The following ZYG11B variants were observed in gnomAD, a reference collection of about 807,000 sequenced individuals.
ZYG11B encodes protein zyg-11 homolog B.
In ZYG11B, 36 loss-of-function variants were observed where a neutral mutation model predicts 82.4. The ratio of observed to expected loss-of-function variants is 0.44; its 90% CI spans 0.33 to 0.58. ZYG11B has a LOEUF of 0.58. Among genes scored for constraint, ZYG11B ranks in the 20% least tolerant of loss-of-function variants. The pLI, the probability that ZYG11B is intolerant of heterozygous loss-of-function variation, is 0.02. For missense variants in ZYG11B, 552 were observed against 895.6 expected, an observed-to-expected ratio of 0.62 and a Z score of 4.90; for synonymous variants, 303 against 312.8, an observed-to-expected ratio of 0.97 and a Z score of 0.33.
At chr1:52,770,921 C>T in intron 2 of ZYG11B, 99 bp from the exon 3 acceptor site, 1 of 1,277,652 alleles carries the variant, frequency 7.8e-7, no homozygotes. Context: ...AGACGAGATA[C>T]TGTTACATGG....
rs58080904 is a variant in ZYG11B, at chr1:52,781,795, C to G, written c.1092+1802C>G. Among the ~76,000 whole-genome samples, 436 of 152,284 alleles carry G rather than the reference C, an allele frequency of 2.9e-3. 3 individuals are homozygous for G. Among genetic ancestry groups the G allele is most frequent in the African/African-American group, 9.0e-3 (373 of 41,552 alleles). On this transcript the variant is annotated intron_variant, in intron 4 of 13. Transcript: ENST00000294353. ...AGTGGCAGAGCCACAACTTGATATC[C>G]TACATATCTTAAATTCTGAGAATGA... is the stretch of plus-strand genomic sequence containing the variant.
chr1:52,803,113 TATATACAC>T (rs1347066502), intron 10 of ZYG11B, among the ~76,000 whole-genome samples: 1 of 84,180 alleles, frequency 1.2e-5, no homozygotes, highest in African/African-American at 6.7e-5. Context: ...TATATATATA[TATATACAC>T]ACATATATAT....
At chr1:52,730,925 G>C (rs1644326547) in intron 1 of ZYG11B, among the ~76,000 whole-genome samples, 1 of 151,922 alleles carries the variant, frequency 6.6e-6, no homozygotes, top group African/African-American at 2.4e-5. Context: ...TTTGCAGAGG[G>C]TCTTACTTTC....
chr1:52,729,424 T>A (rs1644311578), intron 1 of ZYG11B, among the ~76,000 whole-genome samples: 1 of 152,188 alleles, frequency 6.6e-6, no homozygotes, highest in South Asian at 2.1e-4. Context: ...ACACACAGAG[T>A]AACAGTGTAT....
At chr1:52,790,404 A>G (rs1170588928) in intron 6 of ZYG11B, among the ~76,000 whole-genome samples, 1 of 152,130 alleles carries the variant, frequency 6.6e-6, no homozygotes. Context: ...TGTCTTGACT[A>G]TGGCTTTGTG....
chr1:52,815,660 C>T (rs550389375), intron 12 of ZYG11B, among the ~76,000 whole-genome samples: 5 of 151,832 alleles, frequency 3.3e-5, no homozygotes, highest in African/African-American at 4.8e-5. Context: ...ATAGGCCGGG[C>T]ATGGTGGCTC....
chr1:52,776,229 A>AAAAAAAAAAAAAAAAATATATATATATAT, intron 3 of ZYG11B, among the ~76,000 whole-genome samples: 59 of 23,478 alleles, frequency 2.5e-3, no homozygotes, highest in African/African-American at 4.1e-3. Context: ...TAAAAAAAAA[A>AAAAAAAAAAAAAAAAATATATATATATAT]ATATATATAT....
chr1:52,783,066 A>G (rs1235860843), intron 4 of ZYG11B, among the ~76,000 whole-genome samples: 1 of 151,846 alleles, frequency 6.6e-6, no homozygotes, highest in African/African-American at 2.4e-5. Context: ...AGCTGAGATT[A>G]TAGGCACCTG....
intron 6 of ZYG11B, among the ~76,000 whole-genome samples, chr1:52,793,905 T>C (rs373704377): frequency 0.026 from 3,027 of 115,960 alleles, 72 homozygotes; most frequent in Middle Eastern, 0.15. Flanking sequence ...CCTTCCTTTC[T>C]TTCCTTTCTT....
chr1:52,772,396 G>A, intron 3 of ZYG11B: 1 of 1,553,482 alleles, frequency 6.4e-7, no homozygotes, highest in Non-Finnish European at 8.9e-7. Flanking sequence ...AGATCTTCAG[G>A]AAGATCAGGA....
At position 52,803,221 on chromosome 1, in the gene ZYG11B, TATACACACATATATATATAC is replaced by T. The variant is rs1558140490; in HGVS notation, c.1695+1084_1695+1103del. Among the ~76,000 whole-genome samples the T allele has an allele frequency of 1.2e-4, 9 of 74,040 alleles. 1 individual carries two copies. Among genetic ancestry groups the T allele is most frequent in the African/African-American group, 5.8e-4 (6 of 10,304 alleles). 48.6% of individuals were successfully genotyped at this position (74,040 alleles called of 152,430 possible). On this transcript the variant is annotated intron_variant, in intron 10 of 13. Coordinates refer to ENST00000294353, the MANE Select transcript of ZYG11B (RefSeq NM_024646.3). ...ATATATATACACACACATATATATA[TATACACACATATATATATAC>T]ACACACACATATATATATATATATA...
intron 6 of ZYG11B, among the ~76,000 whole-genome samples, chr1:52,794,467 A>G (rs1644990660): frequency 6.6e-6 from 1 of 152,202 alleles, no homozygotes; most frequent in Non-Finnish European, 1.5e-5. Context: ...TCATTCAGTC[A>G]ACATATATTA....
chr1:52,790,198 T>C (rs1644944886), intron 6 of ZYG11B, 131 bp downstream of exon 6: 2 of 563,586 alleles, frequency 3.5e-6, no homozygotes, highest in Middle Eastern at 3.2e-4. Context: ...GGTTATTTTA[T>C]AGAATGCTAA....
intron 12 of ZYG11B, among the ~76,000 whole-genome samples, chr1:52,814,171 C>T (rs757968827): frequency 2.0e-4 from 30 of 152,252 alleles, no homozygotes; most frequent in Non-Finnish European, 2.5e-4. Flanking sequence ...TAGGCGCCCA[C>T]GACCACGCCC....
rs544143651 is a variant in ZYG11B, at chr1:52,816,849, C to T, written c.2044+220C>T. ...TGTTCCCCAGGCTGGAGTACAGTGG[C>T]GCGATCTCGGCTCACTGGAACCTCC... On this transcript the variant is annotated intron_variant, in intron 13 of 13. Transcript: ENST00000294353. Among the ~76,000 whole-genome samples, 30 of 139,712 alleles carry T rather than the reference C, an allele frequency of 2.1e-4. No homozygotes were observed. The South Asian group carries it at 3.3e-3, about 15-fold the overall frequency. The allele number at this position is 139,712 out of a possible 152,430, so 91.7% of individuals were successfully genotyped here. A position where few individuals can be genotyped will look rare whatever the true frequency, so the allele number is the denominator to read the frequency against.
At chr1:52,783,029 C>T (rs185212037) in intron 4 of ZYG11B, among the ~76,000 whole-genome samples, 52 of 151,346 alleles carry the variant, frequency 3.4e-4, no homozygotes, top group African/African-American at 1.0e-3. Context: ...CATGTTCAAG[C>T]GATTCTTCTG....
intron 3 of ZYG11B, among the ~76,000 whole-genome samples, chr1:52,777,070 C>T (rs1170172439): frequency 4.6e-5 from 7 of 151,712 alleles, no homozygotes; most frequent in African/African-American, 1.2e-4. Context: ...ATTAGCCGGG[C>T]GTGGTGGCGG....
At chr1:52,772,905 C>T (rs556710270) in intron 3 of ZYG11B, among the ~76,000 whole-genome samples, 1 of 152,074 alleles carries the variant, frequency 6.6e-6, no homozygotes, top group African/African-American at 2.4e-5. Flanking sequence ...TCTCAATCTC[C>T]TGACCTCGTA....
At chr1:52,739,899 C>G (rs1644410295) in intron 1 of ZYG11B, among the ~76,000 whole-genome samples, 1 of 152,234 alleles carries the variant, frequency 6.6e-6, no homozygotes, top group Admixed American at 6.6e-5. Context: ...AGCCACGCTC[C>G]TGGCCCTTGT....
Sources: allele counts gnomAD v4.1 joint callset (sites outside exome capture counted in the v4.1 genomes callset), GRCh38; gene constraint gnomAD v4.1.1; transcripts MANE v1.5; gene names NCBI Gene and HGNC (gene_info 2026-07-23, HGNC 2026-07-21).